The following LPP variants were observed in gnomAD, a reference collection of about 807,000 sequenced individuals.
LPP encodes lipoma-preferred partner.
A neutral mutation model predicts 60.4 loss-of-function variants in LPP; 38 were observed. The observed-to-expected ratio is 0.63, with a 90% CI of 0.49 to 0.83. The LOEUF (loss-of-function observed/expected upper bound fraction) is 0.83, where lower values mean the gene tolerates loss of function less well. LPP is among the 40% of genes least tolerant of loss of function. The pLI is 0.00. For synonymous variants in LPP, 328 were observed against 290.8 expected, an observed-to-expected ratio of 1.13 and a Z score of -1.30; for missense variants, 902 against 783.6, an observed-to-expected ratio of 1.15 and a Z score of -1.80.
intron 7 of LPP, among the ~76,000 whole-genome samples, chr3:188,661,257 T>G (rs756184350): frequency 6.6e-6 from 1 of 152,226 alleles, no homozygotes; most frequent in Non-Finnish European, 1.5e-5. Flanking sequence ...ACATCTTAGT[T>G]GTTTCCAAGT....
chr3:188,424,846 T>G (rs1007523992), intron 4 of LPP, among the ~76,000 whole-genome samples: 4 of 152,178 alleles, frequency 2.6e-5, no homozygotes, highest in African/African-American at 4.8e-5. Context: ...GATTTTGGGT[T>G]GAGATTTTGG....
chr3:188,349,985 T>G (rs1017073586), intron 3 of LPP, among the ~76,000 whole-genome samples: 1 of 152,198 alleles, frequency 6.6e-6, no homozygotes, highest in Non-Finnish European at 1.5e-5. Context: ...GTTCAGCTGG[T>G]CTAGTAAAAA....
At chr3:188,443,531 G>T (rs143560848) in intron 4 of LPP, among the ~76,000 whole-genome samples, 28 of 152,304 alleles carry the variant, frequency 1.8e-4, no homozygotes, top group African/African-American at 5.3e-4. Context: ...GTAAGTTGTA[G>T]GTACTTAACA....
intron 4 of LPP, among the ~76,000 whole-genome samples, chr3:188,462,588 A>T (rs13094912): frequency 1.7e-5 from 1 of 58,274 alleles, no homozygotes; most frequent in Non-Finnish European, 3.2e-5. Context: ...ATATATATGC[A>T]TGTGTGTGTG....
intron 4 of LPP, among the ~76,000 whole-genome samples, chr3:188,456,136 G>A (rs895932488): frequency 2.6e-5 from 4 of 152,070 alleles, no homozygotes; most frequent in Admixed American, 6.6e-5. Flanking sequence ...CTTTGCTTTC[G>A]CCTCCCCAAC....
At chr3:188,794,150 A>G (rs1275277922) in intron 9 of LPP, among the ~76,000 whole-genome samples, 1 of 152,230 alleles carries the variant, frequency 6.6e-6, no homozygotes, top group Non-Finnish European at 1.5e-5. Context: ...ACATAGAGGT[A>G]TATCTCACTG....
At chr3:188,172,571 G>C (rs1260148635) in intron 1 of LPP, among the ~76,000 whole-genome samples, 1 of 152,008 alleles carries the variant, frequency 6.6e-6, no homozygotes, top group African/African-American at 2.4e-5. Flanking sequence ...TTTTGTTATT[G>C]TTGTCTTTTT....
intron 5 of LPP, among the ~76,000 whole-genome samples, chr3:188,515,360 T>A (rs1817053990): frequency 6.6e-6 from 1 of 152,180 alleles, no homozygotes; most frequent in Admixed American, 6.5e-5. Flanking sequence ...ATAAGCTTCC[T>A]GAGGCTCTCA....
chr3:188,261,956 CTG>C (rs1291548375), intron 2 of LPP, among the ~76,000 whole-genome samples: 2 of 152,120 alleles, frequency 1.3e-5, no homozygotes, highest in African/African-American at 2.4e-5. Context: ...TTAGATATAA[CTG>C]AATATTATCT....
intron 7 of LPP, among the ~76,000 whole-genome samples, chr3:188,685,898 A>C (rs1032953932): frequency 6.6e-6 from 1 of 151,992 alleles, no homozygotes; most frequent in African/African-American, 2.4e-5. Context: ...TCCCCTTCCT[A>C]TAAGGGAATG....
chr3:188,283,360 A>G (rs1199251794), intron 2 of LPP, among the ~76,000 whole-genome samples: 2 of 152,216 alleles, frequency 1.3e-5, no homozygotes, highest in Non-Finnish European at 2.9e-5. Flanking sequence ...GAAAGCAGAC[A>G]TGCCAAGTTG....
chr3:188,657,272 A>ATATATATATATATATATATG (rs1853481454), intron 7 of LPP, among the ~76,000 whole-genome samples: 1 of 143,950 alleles, frequency 6.9e-6, no homozygotes, highest in South Asian at 2.2e-4. Flanking sequence ...ATATATATAT[A>ATATATATATATATATATATG]TATATATATT....
chr3:188,705,635 G>A (rs1230888699), intron 7 of LPP, among the ~76,000 whole-genome samples: 1 of 151,362 alleles, frequency 6.6e-6, no homozygotes, highest in African/African-American at 2.4e-5. Context: ...TTTTTTGTGT[G>A]GGGGGAAAAT....
At chr3:188,624,532 T>C (rs1281484473) in intron 7 of LPP, among the ~76,000 whole-genome samples, 12 of 152,182 alleles carry the variant, frequency 7.9e-5, no homozygotes, top group Non-Finnish European at 1.5e-5. Context: ...CAAGTTTGTT[T>C]AGAAAGCCAT....
intron 1 of LPP, among the ~76,000 whole-genome samples, chr3:188,161,931 C>A (rs1424159011): frequency 6.6e-6 from 1 of 152,192 alleles, no homozygotes; most frequent in East Asian, 1.9e-4. Flanking sequence ...TTTGTGAGAA[C>A]CAAGCTATGC....
intron 7 of LPP, among the ~76,000 whole-genome samples, chr3:188,690,659 C>G (rs1183616098): frequency 6.6e-6 from 1 of 152,128 alleles, no homozygotes; most frequent in African/African-American, 2.4e-5. Flanking sequence ...TAGTCAGACC[C>G]TGGTAGAAGG....
chr3:188,320,750 T>G (rs564756678), intron 2 of LPP, among the ~76,000 whole-genome samples: 1 of 152,208 alleles, frequency 6.6e-6, no homozygotes. Context: ...AGTAGCTTCA[T>G]GCACTGATGC....
intron 8 of LPP, among the ~76,000 whole-genome samples, chr3:188,722,170 A>G (rs573585643): frequency 3.3e-5 from 5 of 152,270 alleles, no homozygotes; most frequent in Admixed American, 3.3e-4. Flanking sequence ...AGTAGCTTTC[A>G]ATGCCAGGTA....
intron 6 of LPP, among the ~76,000 whole-genome samples, chr3:188,586,525 C>T (rs147561824): frequency 1.3e-5 from 2 of 152,186 alleles, no homozygotes; most frequent in Admixed American, 1.3e-4. Flanking sequence ...TAATAAAAGT[C>T]GTTAGAGTGT....
Sources: allele counts gnomAD v4.1 joint callset (sites outside exome capture counted in the v4.1 genomes callset), GRCh38; gene constraint gnomAD v4.1.1; transcripts MANE v1.5; gene names NCBI Gene and HGNC (gene_info 2026-07-23, HGNC 2026-07-21).